METTL8: variants seen among roughly 807,000 people sequenced by gnomAD.
METTL8 encodes tRNA N(3)-cytidine methyltransferase METTL8, mitochondrial.
A neutral mutation model predicts 48.7 loss-of-function variants in METTL8; 32 were observed. The observed-to-expected ratio is 0.66, with a 90% CI of 0.50 to 0.88. METTL8 has a LOEUF of 0.88. Ranked by LOEUF, METTL8 falls within the 40% of genes least tolerant of loss-of-function variation. The probability of loss-of-function intolerance (pLI) is 0.00; values close to 1 mark genes in which losing one functional copy is unlikely to be tolerated. For missense variants in METTL8, 464 were observed against 474.4 expected, an observed-to-expected ratio of 0.98 and a Z score of 0.20; for synonymous variants, 136 against 157.1, an observed-to-expected ratio of 0.87 and a Z score of 1.01.
At chr2:171,340,977 T>C (rs1241080156) in intron 3 of METTL8, among the ~76,000 whole-genome samples, 1 of 152,220 alleles carries the variant, frequency 6.6e-6, no homozygotes, top group Non-Finnish European at 1.5e-5. Flanking sequence ...GTTAGGTCAA[T>C]AGTCTCAGAG....
chr2:171,416,291 G>A (rs113973464), intron 1 of METTL8, among the ~76,000 whole-genome samples: 66 of 152,330 alleles, frequency 4.3e-4, no homozygotes, highest in African/African-American at 1.6e-3. Context: ...AGGACAAGAG[G>A]ATCTGTGTCC....
At chr2:171,424,616 C>T (rs1433649476) in intron 1 of METTL8, among the ~76,000 whole-genome samples, 1 of 152,206 alleles carries the variant, frequency 6.6e-6, no homozygotes, top group Non-Finnish European at 1.5e-5. Context: ...CCTGTAGCCC[C>T]TTTGTTTTGG....
At chr2:171,390,720 T>C (rs934878451) in intron 2 of METTL8, among the ~76,000 whole-genome samples, 1 of 152,036 alleles carries the variant, frequency 6.6e-6, no homozygotes, top group Non-Finnish European at 1.5e-5. Flanking sequence ...AGATGAGGAG[T>C]TCCTTTGTAG....
chr2:171,366,984 G>A (rs1294963108), intron 2 of METTL8, among the ~76,000 whole-genome samples: 18 of 151,438 alleles, frequency 1.2e-4, no homozygotes, highest in Non-Finnish European at 2.9e-5. Context: ...AAATTATTCA[G>A]ATTGAAGACC....
chr2:171,399,561 T>C (rs1174425488), intron 1 of METTL8, among the ~76,000 whole-genome samples: 1 of 152,154 alleles, frequency 6.6e-6, no homozygotes, highest in African/African-American at 2.4e-5. Flanking sequence ...GGCCAACTTA[T>C]GGGGAGCAGA....
chr2:171,352,388 T>A (rs2105450561), intron 3 of METTL8, among the ~76,000 whole-genome samples: 1 of 152,348 alleles, frequency 6.6e-6, no homozygotes. Flanking sequence ...GATTTTCACA[T>A]CAATGTTCAT....
At chr2:171,379,106 A>T (rs2105523840) in intron 2 of METTL8, among the ~76,000 whole-genome samples, 1 of 152,342 alleles carries the variant, frequency 6.6e-6, no homozygotes, top group Non-Finnish European at 1.5e-5. Flanking sequence ...TTAAAAACTC[A>T]CTCAAAACCA....
rs562378143 is a variant in METTL8 at position 171,360,844 on chromosome 2, T to C, written c.144-331A>G. Among the ~76,000 whole-genome samples the C allele has an allele frequency of 1.8e-3, 269 of 152,340 alleles. 1 individual carries two copies. The highest frequency in any genetic ancestry group is 6.3e-3 in the African/African-American group (263 of 41,566). ...GTTTTTACTCTAAGGCTAAATTTAT[T>C]TGCCTTTTTGTTAATTTATGAACAG... On this transcript the variant is annotated intron_variant, in intron 2 of 9. Coordinates refer to ENST00000375258, the MANE Select transcript of METTL8 (RefSeq NM_001321154.2).
intron 7 of METTL8, 37 bp from the exon 8 acceptor site, chr2:171,326,185 T>TTGCATCCTTTGGAAACAA (rs745489051): frequency 8.6e-7 from 1 of 1,157,948 alleles, no homozygotes; most frequent in African/African-American, 1.6e-5. Flanking sequence ...ACCCAGTTTG[T>TTGCATCCTTTGGAAACAA]AGAAATCTTG....
chr2:171,341,327 C>CAA (rs36083621), intron 3 of METTL8, among the ~76,000 whole-genome samples: 97 of 129,166 alleles, frequency 7.5e-4, no homozygotes, highest in African/African-American at 9.0e-4. Context: ...GACTCCGTCT[C>CAA]AAAAAAAAAA....
At chr2:171,364,905 C>G (rs1685560325) in intron 2 of METTL8, among the ~76,000 whole-genome samples, 1 of 152,062 alleles carries the variant, frequency 6.6e-6, no homozygotes, top group Non-Finnish European at 1.5e-5. Flanking sequence ...TGATATTTGA[C>G]AAATTTGACA....
chr2:171,431,062 C>T (rs974391755), intron 1 of METTL8, among the ~76,000 whole-genome samples: 2 of 152,142 alleles, frequency 1.3e-5, no homozygotes, highest in Non-Finnish European at 2.9e-5. Flanking sequence ...CCTTGCGTCC[C>T]CTCTTGGCTG....
intron 3 of METTL8, among the ~76,000 whole-genome samples, chr2:171,350,741 G>C (rs972702782): frequency 6.6e-6 from 1 of 152,158 alleles, no homozygotes; most frequent in East Asian, 1.9e-4. Flanking sequence ...TCATATGTCT[G>C]TTGGCTACAT....
rs775852144 is a variant in METTL8 at position 171,339,308 on chromosome 2, C to A, written c.482G>T (p.Gly161Val). Residue 161 changes from glycine (G) to valine (V), a missense_variant, in exon 4 of 10, where the codon GGT (glycine) becomes GTT (valine). Physicochemically the swap from Gly to Val is moderately radical, Grantham distance 109. Coordinates refer to ENST00000375258, the MANE Select transcript of METTL8 (RefSeq NM_001321154.2). Reference protein sequence around the residue: ...DEKNHYEKSSGSSEGQSKTES... With the variant: ...DEKNHYEKSSVSSEGQSKTES... Reference sequence around the variant, plus strand: ...TGTTTTGCTTTGACCTTCTGAAGAACCAGAACTTTTCTCATAATGATTTTT... The same window carrying A: ...TGTTTTGCTTTGACCTTCTGAAGAAACAGAACTTTTCTCATAATGATTTTT... 1 of 1,612,966 alleles carries A rather than the reference C, an allele frequency of 6.2e-7. No individual in the cohort carries two copies. The highest frequency in any genetic ancestry group is 1.1e-5 in the South Asian group (1 of 90,934).
chr2:171,333,897 T>C (rs971155949), intron 5 of METTL8, among the ~76,000 whole-genome samples: 2 of 152,146 alleles, frequency 1.3e-5, no homozygotes, highest in Admixed American at 1.3e-4. Context: ...AAGATGGTTG[T>C]TTGAAGTGAA....
chr2:171,392,023 G>T lies in METTL8; in HGVS notation c.143+20C>A. 1 of 1,542,514 alleles carries T rather than the reference G, an allele frequency of 6.5e-7. No homozygotes were observed. ...TATTTAAGAAACACACATAATATCAGATTTAAAAAGAAAACTCACCACATG... is the reference window on the plus strand; with the variant it reads ...TATTTAAGAAACACACATAATATCATATTTAAAAAGAAAACTCACCACATG... On this transcript the variant is annotated intron_variant, in intron 2 of 9. Transcript: ENST00000375258.
At chr2:171,392,942 CAAA>C (rs34723018) in intron 1 of METTL8, among the ~76,000 whole-genome samples, 1 of 133,170 alleles carries the variant, frequency 7.5e-6, no homozygotes, top group Non-Finnish European at 1.6e-5. Context: ...ACTAAAAATA[CAAA>C]AAAAAAAAAA....
At chr2:171,399,592 T>C (rs1166816110) in intron 1 of METTL8, among the ~76,000 whole-genome samples, 8 of 152,144 alleles carry the variant, frequency 5.3e-5, no homozygotes, top group Admixed American at 3.3e-4. Context: ...GCTACAAATT[T>C]TGGCTAGATG....
At chr2:171,331,285 A>G (rs1159923071) in intron 6 of METTL8, among the ~76,000 whole-genome samples, 2 of 151,660 alleles carry the variant, frequency 1.3e-5, no homozygotes, top group Non-Finnish European at 1.5e-5. Context: ...TAATTTTTGT[A>G]TTTTTAGTAG....
Sources: gnomAD v4.1 joint callset for allele counts (sites outside exome capture counted in the v4.1 genomes callset) on GRCh38, gnomAD v4.1.1 for gene constraint, MANE v1.5 for transcripts, NCBI Gene and HGNC (gene_info 2026-07-23, HGNC 2026-07-21) for gene names.